The following KLHDC7A variants were observed in gnomAD, a reference collection of about 807,000 sequenced individuals.
KLHDC7A encodes the protein kelch domain containing 7A, also known as kelch domain-containing protein 7A.
For synonymous variants in KLHDC7A, 464 were observed against 461.0 expected (o/e 1.01, Z -0.08); for missense variants, 1,123 against 1,052.6 (o/e 1.07, Z -0.93).
In KLHDC7A at chr1:18,481,425, T is replaced by C. The variant is rs1226696067; in HGVS notation, c.444T>C (p.Ala148=). The C allele has an allele frequency of 1.2e-6, 2 of 1,613,842 alleles. No individual in the cohort carries two copies. The highest frequency in any genetic ancestry group is 1.7e-5 in the Admixed American group (1 of 60,022). ...GCCCCAGCCAGGAAACCAGAACAGC[T>C]GTTGGCAGTAACCCTGACCCTCCCC... ...PCCPSQETRT[A]VGSNPDPPHF... Residue 148 remains alanine (A), a synonymous_variant, in exon 1 of 1, where the codon GCT becomes GCC. Transcript: ENST00000400664.
Position 18,482,594 on chromosome 1 carries a change from T to C in KLHDC7A, c.1613T>C (p.Leu538Pro). The C allele has an allele frequency of 1.9e-6, 3 of 1,611,260 alleles. No homozygotes were observed. The highest frequency in any genetic ancestry group is 2.5e-6 in the Non-Finnish European group (3 of 1,179,770). Residue 538 changes from leucine to proline, a missense_variant, in exon 1 of 1, where the codon CTC (leucine) becomes CCC (proline). Coordinates refer to ENST00000400664, the MANE Select transcript of KLHDC7A (RefSeq NM_152375.3). Reference protein sequence around the residue: ...AVSRGCAICSLFNYLFVVSGC... With the variant: ...AVSRGCAICSPFNYLFVVSGC... ...TCCCGGGGCTGTGCCATCTGCAGTC[T>C]CTTCAATTATCTCTTCGTGGTGTCC... is the stretch of plus-strand genomic sequence containing the variant.
Position 18,481,892 on chromosome 1 carries a change from G to A in KLHDC7A, c.911G>A (p.Gly304Asp), listed in dbSNP as rs754810669. Residue 304 changes from glycine (G) to aspartate (D), a missense_variant, in exon 1 of 1, where the codon GGC (glycine) becomes GAC (aspartate). Gly to Asp is a moderately conservative substitution (Grantham distance 94). Transcript: ENST00000400664. ...VESTSQAIFQ[G>D]RLAPRTAALT... ...TCTACCTCTCAGGCCATCTTCCAGGGCAGGCTGGCTCCCAGGACAGCAGCC... is the reference window on the plus strand; with the variant it reads ...TCTACCTCTCAGGCCATCTTCCAGGACAGGCTGGCTCCCAGGACAGCAGCC... 42 of 1,613,398 alleles carry A rather than the reference G, an allele frequency of 2.6e-5. No homozygotes were observed. The East Asian group carries it at 3.6e-4, about 14-fold the overall frequency.
Position 18,482,911 on chromosome 1 carries a change from C to T in KLHDC7A, c.1930C>T (p.Arg644Cys), listed in dbSNP as rs750481937. 2 of 1,609,964 alleles carry T rather than the reference C, an allele frequency of 1.2e-6. No homozygotes were observed. Among genetic ancestry groups the T allele is most frequent in the Non-Finnish European group, 1.7e-6 (2 of 1,179,218 alleles). ...AATCTTCGTCACCGGCGGCTCGCTG[C>T]GCTTCCTGCTGTTCCGCTTCTCTGC... ...KEIFVTGGSL[R>C]FLLFRFSAQE... The change falls in exon 1 of 1, where the codon CGC becomes TGC. Residue 644 changes from arginine (R) to cysteine (C), a missense_variant. Arg to Cys is a radical substitution (Grantham distance 180, BLOSUM62 -3). Transcript: ENST00000400664.
chr1:18,485,208 CCAACCTT>C lies in KLHDC7A; in HGVS notation c.*1899_*1905del, dbSNP rs1400725610. 1 of 166,882 alleles carries C rather than the reference CCAACCTT, an allele frequency of 6.0e-6. No individual in the cohort carries two copies. The highest frequency in any genetic ancestry group is 1.5e-5 in the Non-Finnish European group (1 of 68,254). The allele number at this position is 166,882 out of a possible 1,614,324, so 10.3% of individuals were successfully genotyped here. Reference sequence around the variant, plus strand: ...GAGCTGGGGGCAGGTGGACCTAGATCCAACCTTCAACCCCTAGTGAGGGGCCAGGCAG... The same window carrying C: ...GAGCTGGGGGCAGGTGGACCTAGATCCAACCCCTAGTGAGGGGCCAGGCAG... On this transcript the variant is annotated 3_prime_UTR_variant, in exon 1 of 1. Transcript: ENST00000400664.
At position 18,482,430 on chromosome 1, in the gene KLHDC7A, C is replaced by G. The variant is rs1557445412; in HGVS notation, c.1449C>G (p.Ile483Met). ...GCLSGAEREL[I>M]LQRRLRGRQY... ...TGAGCGGGGCAGAGCGCGAGCTGAT[C>G]CTGCAGCGCCGGCTCCGGGGCCGCC... The change falls in exon 1 of 1, where the codon ATC becomes ATG. Residue 483 changes from isoleucine (I) to methionine (M), a missense_variant. Transcript: ENST00000400664. 2 of 1,609,482 alleles carry G rather than the reference C, an allele frequency of 1.2e-6. No individual in the cohort carries two copies. The highest frequency in any genetic ancestry group is 1.7e-6 in the Non-Finnish European group (2 of 1,179,872).
Position 18,482,614 on chromosome 1 carries a change from G to A in KLHDC7A, c.1633G>A (p.Val545Met), listed in dbSNP as rs1382402781. ...ICSLFNYLFV[V>M]SGCQGPGHQP... ...CAGTCTCTTCAATTATCTCTTCGTGGTGTCCGGCTGCCAGGGGCCCGGGCA... is the reference window on the plus strand; with the variant it reads ...CAGTCTCTTCAATTATCTCTTCGTGATGTCCGGCTGCCAGGGGCCCGGGCA... Residue 545 changes from valine to methionine, a missense_variant, in exon 1 of 1, where the codon GTG becomes ATG. Physicochemically the swap from Val to Met is conservative, Grantham distance 21. Transcript: ENST00000400664. The A allele has an allele frequency of 6.8e-6, 11 of 1,609,912 alleles. No homozygotes were observed. Among genetic ancestry groups the A allele is most frequent in the Non-Finnish European group, 8.5e-6 (10 of 1,179,312 alleles).
chr1:18,481,899 G>C lies in KLHDC7A; in HGVS notation c.918G>C (p.Leu306=). ...CTCAGGCCATCTTCCAGGGCAGGCT[G>C]GCTCCCAGGACAGCAGCCCTGACTG... is the stretch of plus-strand genomic sequence containing the variant. The part of the protein sequence containing the change: ...STSQAIFQGR[L]APRTAALTEV... The change falls in exon 1 of 1, where the codon CTG becomes CTC. Residue 306 remains leucine (L), a synonymous_variant. Coordinates refer to ENST00000400664, the MANE Select transcript of KLHDC7A (RefSeq NM_152375.3). The C allele has an allele frequency of 6.2e-7, 1 of 1,613,452 alleles. No individual in the cohort carries two copies. Among genetic ancestry groups the C allele is most frequent in the Non-Finnish European group, 8.5e-7 (1 of 1,179,762 alleles).
rs1378751295 is a variant in KLHDC7A at position 18,482,817 on chromosome 1, G to T, written c.1836G>T (p.Trp612Cys). Reference protein sequence around the residue: ...VERYDPRLDRWDFAPPLPSDT... With the variant: ...VERYDPRLDRCDFAPPLPSDT... ...GTTACGACCCCCGCCTGGACCGCTG[G>T]GACTTTGCCCCGCCGCTCCCCAGTG... Residue 612 changes from tryptophan to cysteine, a missense_variant, in exon 1 of 1, where the codon TGG (tryptophan) becomes TGT (cysteine). Trp to Cys is a radical substitution (Grantham distance 215). Transcript: ENST00000400664. 9.9e-6 allele frequency: 16 copies of T among 1,609,900 alleles called. No individual in the cohort carries two copies. The highest frequency in any genetic ancestry group is 1.4e-5 in the Non-Finnish European group (16 of 1,178,654).
rs1187374965 is a variant in KLHDC7A at position 18,483,627 on chromosome 1, C to T, written c.*312C>T. 4 of 1,281,766 alleles carry T rather than the reference C, an allele frequency of 3.1e-6. No homozygotes were observed. Among genetic ancestry groups the T allele is most frequent in the Admixed American group, 3.5e-5 (1 of 28,262 alleles). 79.4% of individuals were successfully genotyped at this position (1,281,766 alleles called of 1,614,324 possible). Reference sequence around the variant, plus strand: ...AATTCTTGGGGGGATACACCGGGACCCCACCAAAGCTTAGGGGGCATAGTC... The same window carrying T: ...AATTCTTGGGGGGATACACCGGGACTCCACCAAAGCTTAGGGGGCATAGTC... On this transcript the variant is annotated 3_prime_UTR_variant, in exon 1 of 1. Coordinates refer to ENST00000400664, the MANE Select transcript of KLHDC7A (RefSeq NM_152375.3).
In KLHDC7A at chr1:18,482,441, G is replaced by C. The variant is rs755620603; in HGVS notation, c.1460G>C (p.Arg487Pro). ...GAGCGCGAGCTGATCCTGCAGCGCC[G>C]GCTCCGGGGCCGCCAGTACCTGGTG... is the stretch of plus-strand genomic sequence containing the variant. Reference protein sequence around the residue: ...GAERELILQRRLRGRQYLVVA... With the variant: ...GAERELILQRPLRGRQYLVVA... Residue 487 changes from arginine to proline, a missense_variant, in exon 1 of 1, where the codon CGG (arginine) becomes CCG (proline). Transcript: ENST00000400664. 1 of 1,610,008 alleles carries C rather than the reference G, an allele frequency of 6.2e-7. No individual in the cohort carries two copies. The highest frequency in any genetic ancestry group is 8.5e-7 in the Non-Finnish European group (1 of 1,179,806).
rs2100254282 is a variant in KLHDC7A at position 18,481,235 on chromosome 1, G to A, written c.254G>A (p.Ser85Asn). The change falls in exon 1 of 1, where the codon AGC becomes AAC. Residue 85 changes from serine to asparagine, a missense_variant. Coordinates refer to ENST00000400664, the MANE Select transcript of KLHDC7A (RefSeq NM_152375.3). ...VLLRGPRRRRSSKRAEAPQGC... is the reference protein window; with the variant it reads ...VLLRGPRRRRNSKRAEAPQGC... Reference sequence around the variant, plus strand: ...CTGAGGGGGCCAAGACGTCGGAGGAGCAGCAAGCGGGCTGAAGCACCACAG... The same window carrying A: ...CTGAGGGGGCCAAGACGTCGGAGGAACAGCAAGCGGGCTGAAGCACCACAG... The A allele has an allele frequency of 3.2e-6, 5 of 1,585,528 alleles. No homozygotes were observed. Among genetic ancestry groups the A allele is most frequent in the Non-Finnish European group, 4.3e-6 (5 of 1,165,554 alleles).
chr1:18,483,563 T>C lies in KLHDC7A; in HGVS notation c.*248T>C. The C allele has an allele frequency of 7.1e-7, 1 of 1,403,680 alleles. No individual in the cohort carries two copies. Among genetic ancestry groups the C allele is most frequent in the Non-Finnish European group, 9.3e-7 (1 of 1,072,286 alleles). The allele number at this position is 1,403,680 out of a possible 1,614,324, so 87.0% of individuals were successfully genotyped here. A position where few individuals can be genotyped will look rare whatever the true frequency, so the allele number is the denominator to read the frequency against. On this transcript the variant is annotated 3_prime_UTR_variant, in exon 1 of 1. Coordinates refer to ENST00000400664, the MANE Select transcript of KLHDC7A (RefSeq NM_152375.3). ...AGCTGGTGTTCCAAGGCAGAAGGCATTCATGTCTTCAGGGATGACCGCCCT... is the reference window on the plus strand; with the variant it reads ...AGCTGGTGTTCCAAGGCAGAAGGCACTCATGTCTTCAGGGATGACCGCCCT...
chr1:18,481,284 A>G lies in KLHDC7A; in HGVS notation c.303A>G (p.Arg101=). ...AGGGCTGCAGCTGTGAGAATCCAAG[A>G]GGCCCCTATGTCCTGGTCACGGGGG... ...APQGCSCENP[R]GPYVLVTGAT... is the part of the protein sequence containing the mutation. Residue 101 remains arginine, a synonymous_variant, in exon 1 of 1, where the codon AGA becomes AGG. Transcript: ENST00000400664. 3.8e-6 allele frequency: 6 copies of G among 1,584,994 alleles called. No homozygotes were observed. The South Asian group carries it at 4.6e-5, about 12-fold the overall frequency.
rs1248002248 is a variant in KLHDC7A at position 18,482,198 on chromosome 1, A to G, written c.1217A>G (p.His406Arg). The change falls in exon 1 of 1, where the codon CAT (histidine) becomes CGT (arginine). Residue 406 changes from histidine to arginine, a missense_variant. By Grantham distance (29) the His-to-Arg change is conservative. Coordinates refer to ENST00000400664, the MANE Select transcript of KLHDC7A (RefSeq NM_152375.3). Reference protein sequence around the residue: ...PGLGRSSREPHVQPVAGTNFF... With the variant: ...PGLGRSSREPRVQPVAGTNFF... ...TTAGGCAGAAGCAGCCGGGAGCCCC[A>G]TGTGCAGCCGGTGGCCGGGACCAAT... 9 of 1,610,788 alleles carry G rather than the reference A, an allele frequency of 5.6e-6. No homozygotes were observed. The highest frequency in any genetic ancestry group is 5.0e-5 in the Admixed American group (3 of 60,006).
Position 18,481,812 on chromosome 1 carries a change from G to A in KLHDC7A, c.831G>A (p.Lys277=), listed in dbSNP as rs1306780607. Reference sequence around the variant, plus strand: ...GAATGGAGGAGCATTTCATACAGAAGGCGGAGGGGGTTGAGCCCCGGCTCA... The same window carrying A: ...GAATGGAGGAGCATTTCATACAGAAAGCGGAGGGGGTTGAGCCCCGGCTCA... ...RVRMEEHFIQ[K]AEGVEPRLKG... The change falls in exon 1 of 1, where the codon AAG becomes AAA. Residue 277 remains lysine (K), a synonymous_variant. Coordinates refer to ENST00000400664, the MANE Select transcript of KLHDC7A (RefSeq NM_152375.3). 9 of 1,614,126 alleles carry A rather than the reference G, an allele frequency of 5.6e-6. No homozygotes were observed. Among genetic ancestry groups the A allele is most frequent in the Non-Finnish European group, 6.8e-6 (8 of 1,180,016 alleles).
In KLHDC7A at chr1:18,482,004, T is replaced by A; in HGVS notation, c.1023T>A (p.Gly341=). 6.2e-7 allele frequency: 1 copy of A among 1,612,776 alleles called. No individual in the cohort carries two copies. The highest frequency in any genetic ancestry group is 8.5e-7 in the Non-Finnish European group (1 of 1,179,928). ...GAGGCCAAGCCGGTGACACAAAGGG[T>A]GCAGCCGAAAGAGCCGCCTCCCCGC... ...ASGGQAGDTK[G]AAERAASPQT... Residue 341 remains glycine (G), a synonymous_variant, in exon 1 of 1, where the codon GGT becomes GGA. Coordinates refer to ENST00000400664, the MANE Select transcript of KLHDC7A (RefSeq NM_152375.3).
At position 18,482,453 on chromosome 1, in the gene KLHDC7A, G is replaced by A. The variant is rs778786891; in HGVS notation, c.1472G>A (p.Arg491His). 1.2e-6 allele frequency: 2 copies of A among 1,610,590 alleles called. No homozygotes were observed. The highest frequency in any genetic ancestry group is 1.7e-6 in the Non-Finnish European group (2 of 1,179,836). Residue 491 changes from arginine (R) to histidine (H), a missense_variant, in exon 1 of 1, where the codon CGC becomes CAC. Coordinates refer to ENST00000400664, the MANE Select transcript of KLHDC7A (RefSeq NM_152375.3). ...ATCCTGCAGCGCCGGCTCCGGGGCC[G>A]CCAGTACCTGGTGGTGGCTGACGTG... is the stretch of plus-strand genomic sequence containing the variant. ...ELILQRRLRG[R>H]QYLVVADVCP...
At position 18,484,041 on chromosome 1, in the gene KLHDC7A, G is replaced by A. The variant is rs1235439871; in HGVS notation, c.*726G>A. 7.7e-7 allele frequency: 1 copy of A among 1,303,952 alleles called. No individual in the cohort carries two copies. The highest frequency in any genetic ancestry group is 1.5e-5 in the African/African-American group (1 of 65,870). The allele number at this position is 1,303,952 out of a possible 1,614,324, so 80.8% of individuals were successfully genotyped here. A position where few individuals can be genotyped will look rare whatever the true frequency, so the allele number is the denominator to read the frequency against. On this transcript the variant is annotated 3_prime_UTR_variant, in exon 1 of 1. Transcript: ENST00000400664. ...CTATCTTCTGGTGGAGGTCTGCTAA[G>A]GATACACGGAGGTCTCAGCAAAGGG...
At position 18,480,956 on chromosome 1, in the gene KLHDC7A, C is replaced by T. The variant is rs1167516537; in HGVS notation, c.-26C>T. The stretch of plus-strand genomic sequence containing the variant: ...ATTATTAATCAGATTCTTGACATTC[C>T]TCAGCCCCAGGTTGGCTGGAGAAGC... On this transcript the variant is annotated 5_prime_UTR_variant, in exon 1 of 1. Transcript: ENST00000400664. 2 of 1,541,308 alleles carry T rather than the reference C, an allele frequency of 1.3e-6. No individual in the cohort carries two copies. The highest frequency in any genetic ancestry group is 1.4e-5 in the African/African-American group (1 of 72,920).
Sources: allele counts gnomAD v4.1 joint callset, GRCh38; gene constraint gnomAD v4.1.1; transcripts MANE v1.5; gene names NCBI Gene and HGNC (gene_info 2026-07-23, HGNC 2026-07-21).